SLC25A13: variants seen among roughly 807,000 people sequenced by gnomAD.
SLC25A13 encodes the protein solute carrier family 25 member 13.
Under a neutral mutation model 85.5 loss-of-function variants are expected in SLC25A13, and 70 were observed. The ratio of observed to expected loss-of-function variants is 0.82; its 90% CI spans 0.68 to 1.00. SLC25A13 has a LOEUF of 1.00. Among genes scored for constraint, SLC25A13 ranks in the 50% least tolerant of loss-of-function variants. The probability of loss-of-function intolerance (pLI) is 0.00; values close to 1 mark genes in which losing one functional copy is unlikely to be tolerated. For synonymous variants in SLC25A13, 259 were observed against 288.7 expected, an observed-to-expected ratio of 0.90 and a Z score of 1.04; for missense variants, 765 against 819.8, an observed-to-expected ratio of 0.93 and a Z score of 0.82.
At chr7:96,226,456 C>G (rs77725159) in intron 4 of SLC25A13, among the ~76,000 whole-genome samples, 9 of 152,232 alleles carry the variant, frequency 5.9e-5, no homozygotes, top group African/African-American at 2.2e-4. Flanking sequence ...CTGCGATGAA[C>G]ATGAGAGTTC....
chr7:96,299,601 A>C (rs1276020280), intron 1 of SLC25A13, among the ~76,000 whole-genome samples: 2 of 152,220 alleles, frequency 1.3e-5, no homozygotes, highest in Non-Finnish European at 2.9e-5. Context: ...CTCTTACCGT[A>C]GTGGCCTTCC....
At chr7:96,283,877 C>T (rs1798783748) in intron 2 of SLC25A13, 1 of 150,972 alleles carries the variant, frequency 6.6e-6, no homozygotes, top group Non-Finnish European at 1.4e-5. Flanking sequence ...GGTGTCCACT[C>T]CCTCAAAGAA....
chr7:96,150,060 T>C (rs767956002), intron 13 of SLC25A13, among the ~76,000 whole-genome samples: 12 of 152,208 alleles, frequency 7.9e-5, no homozygotes, highest in Non-Finnish European at 1.0e-4. Context: ...CATACTGAAC[T>C]GGCTCAGTGT....
intron 14 of SLC25A13, among the ~76,000 whole-genome samples, chr7:96,132,918 T>A (rs1489465356): frequency 6.6e-6 from 1 of 152,198 alleles, no homozygotes; most frequent in Non-Finnish European, 1.5e-5. Flanking sequence ...TATGTATCTG[T>A]TACTATAGCC....
At chr7:96,151,182 ACTTCTGCCAAG>A (rs1225670671) in intron 13 of SLC25A13, among the ~76,000 whole-genome samples, 1 of 152,162 alleles carries the variant, frequency 6.6e-6, no homozygotes, top group Non-Finnish European at 1.5e-5. Context: ...ACCCAGCATC[ACTTCTGCCAAG>A]CGAAATTTTA....
rs745707033 is a variant in SLC25A13, at chr7:96,146,515, G to A, written c.1452+41C>T. ...GAATAGTTTCTGCATTAGGAGATGA[G>A]AAAGTAATCAAATAAATGACTAAAA... is the stretch of plus-strand genomic sequence containing the variant. On this transcript the variant is annotated intron_variant, in intron 14 of 17. Transcript: ENST00000265631. 13 of 1,595,958 alleles carry A rather than the reference G, an allele frequency of 8.1e-6. No homozygotes were observed. The East Asian group carries it at 2.9e-4, about 36-fold the overall frequency.
intron 3 of SLC25A13, among the ~76,000 whole-genome samples, chr7:96,245,174 A>G (rs1797140899): frequency 6.6e-6 from 1 of 152,228 alleles, no homozygotes; most frequent in Non-Finnish European, 1.5e-5. Context: ...CACATTTGAC[A>G]GGTATGATTC....
At chr7:96,251,679 T>C (rs1797434069) in intron 3 of SLC25A13, among the ~76,000 whole-genome samples, 2 of 152,238 alleles carry the variant, frequency 1.3e-5, no homozygotes. Context: ...TGCATTGATA[T>C]GGAGTGAACT....
intron 4 of SLC25A13, among the ~76,000 whole-genome samples, chr7:96,214,528 A>G (rs1795814786): frequency 6.6e-6 from 1 of 152,164 alleles, no homozygotes; most frequent in Non-Finnish European, 1.5e-5. Flanking sequence ...GGAGTTCGAG[A>G]CCAGCCTGGC....
Position 96,184,323 on chromosome 7 carries a change from A to C in SLC25A13, c.1131T>G (p.Cys377Trp). 6.2e-7 allele frequency: 1 copy of C among 1,614,180 alleles called. No individual in the cohort carries two copies. Among genetic ancestry groups the C allele is most frequent in the Non-Finnish European group, 8.5e-7 (1 of 1,180,032 alleles). ...CTTCATAGCGTAGCACTTTCTTAAA[A>C]CAGTCAAAGCTGTTTTTATACATGA... ...GELMYKNSFD[C>W]FKKVLRYEGF... Residue 377 changes from cysteine (C) to tryptophan (W), a missense_variant, in exon 11 of 18, where the codon TGT becomes TGG. Physicochemically the swap from Cys to Trp is radical, Grantham distance 215. Coordinates refer to ENST00000265631, the MANE Select transcript of SLC25A13 (RefSeq NM_014251.3).
chr7:96,259,315 T>C (rs1647406911), intron 3 of SLC25A13, among the ~76,000 whole-genome samples: 1 of 152,238 alleles, frequency 6.6e-6, no homozygotes, highest in Non-Finnish European at 1.5e-5. Context: ...TTTATCCATC[T>C]GACAAAGGAC....
chr7:96,224,635 C>G (rs757843273), intron 4 of SLC25A13, among the ~76,000 whole-genome samples: 2 of 152,202 alleles, frequency 1.3e-5, no homozygotes, highest in African/African-American at 2.4e-5. Flanking sequence ...ATAGCTGGAA[C>G]CAAGGCAACT....
In SLC25A13 at chr7:96,193,143, C is replaced by T. The variant is rs373362761; in HGVS notation, c.509G>A (p.Arg170Gln). 11 of 1,614,038 alleles carry T rather than the reference C, an allele frequency of 6.8e-6. No individual in the cohort carries two copies. The highest frequency in any genetic ancestry group is 3.3e-5 in the Admixed American group (2 of 60,000). ...GACTCTCCCAGTCCTAGCATTGTCC[C>T]GTTGCACAAAGGCTTGCTTTGCGTG... is the stretch of plus-strand genomic sequence containing the variant. ...LEHAKQAFVQ[R>Q]DNARTGRVTA... Residue 170 changes from arginine (R) to glutamine (Q), a missense_variant, in exon 6 of 18, where the codon CGG becomes CAG. Transcript: ENST00000265631.
At position 96,120,388 on chromosome 7, in the gene SLC25A13, T is replaced by C. The variant is rs769226693; in HGVS notation, c.*803A>G. On this transcript the variant is annotated 3_prime_UTR_variant, in exon 18 of 18. Transcript: ENST00000265631. ...ACCAATGATGGGGAGATGAGGAGAA[T>C]AGGGCAGGCAGCAACAGGGCAACAT... is the stretch of plus-strand genomic sequence containing the variant. 11 of 454,002 alleles carry C rather than the reference T, an allele frequency of 2.4e-5. No individual in the cohort carries two copies. Among genetic ancestry groups the C allele is most frequent in the East Asian group, 6.9e-5 (1 of 14,406 alleles). The allele number at this position is 454,002 out of a possible 1,614,324, so 28.1% of individuals were successfully genotyped here.
intron 13 of SLC25A13, among the ~76,000 whole-genome samples, chr7:96,160,974 AT>A (rs5885943): frequency 0.44 from 59,400 of 135,332 alleles, 12,165 homozygotes; most frequent in East Asian, 0.59. Flanking sequence ...TGAGGTTAGC[AT>A]TTTTTTTTTT....
At chr7:96,194,918 A>T (rs1320682186) in intron 5 of SLC25A13, among the ~76,000 whole-genome samples, 2 of 152,214 alleles carry the variant, frequency 1.3e-5, no homozygotes, top group Non-Finnish European at 2.9e-5. Flanking sequence ...AGCCTGCCTC[A>T]GCTGAAACTC....
At chr7:96,303,850 G>A (rs928182387) in intron 1 of SLC25A13, among the ~76,000 whole-genome samples, 7 of 151,798 alleles carry the variant, frequency 4.6e-5, no homozygotes, top group African/African-American at 1.2e-4. Context: ...GACTCTAGAC[G>A]TCATTCTTTA....
At chr7:96,315,178 A>G (rs1227601135) in intron 1 of SLC25A13, among the ~76,000 whole-genome samples, 1 of 152,236 alleles carries the variant, frequency 6.6e-6, no homozygotes, top group Non-Finnish European at 1.5e-5. Flanking sequence ...AAGAAAGAAG[A>G]GAAATTTGGA....
chr7:96,242,499 A>G (rs916614975), intron 3 of SLC25A13, among the ~76,000 whole-genome samples: 2 of 152,172 alleles, frequency 1.3e-5, no homozygotes, highest in Admixed American at 1.3e-4. Context: ...AACCTAAAAG[A>G]CTGTTTCTGG....
Sources: allele counts gnomAD v4.1 joint callset (sites outside exome capture counted in the v4.1 genomes callset), GRCh38; gene constraint gnomAD v4.1.1; transcripts MANE v1.5; gene names NCBI Gene and HGNC (gene_info 2026-07-23, HGNC 2026-07-21).